The following SH2B2 variants were observed in gnomAD, a reference collection of about 807,000 sequenced individuals.
The protein encoded by SH2B2 is SH2B adapter protein 2.
A neutral mutation model predicts 35.7 loss-of-function variants in SH2B2; 37 were observed. The ratio of observed to expected loss-of-function variants is 1.04; its 90% CI spans 0.80 to 1.36. The LOEUF is 1.36. Ranked by LOEUF, SH2B2 falls within the 40% of genes most tolerant of loss-of-function variation. SH2B2 has a pLI of 0.00. For missense variants in SH2B2, 852 were observed against 817.7 expected, an observed-to-expected ratio of 1.04 and a Z score of -0.51; for synonymous variants, 383 against 376.4, an observed-to-expected ratio of 1.02 and a Z score of -0.20.
At chr7:102,320,570 G>T in intron 8 of SH2B2, 68 bp downstream of exon 8, 1 of 1,529,998 alleles carries the variant, frequency 6.5e-7, no homozygotes, top group Admixed American at 1.9e-5. Flanking sequence ...CAAGAAGGTG[G>T]TCCCTGGGGT....
rs3988122 is a variant in SH2B2, at chr7:102,297,394, TACACACACACAC to T, written c.-29-3103_-29-3092del. On this transcript the variant is annotated intron_variant, in intron 1 of 8. Transcript: ENST00000444095. The surrounding 1 kb of genome is among the most constrained non-coding windows in gnomAD (Gnocchi z 4.3). The stretch of plus-strand genomic sequence containing the variant: ...CATCAATAGAGTGAGATCCCATCTC[TACACACACACAC>T]ACACACACACACACACACACACACG... Among the ~76,000 whole-genome samples, 61 of 144,550 alleles carry T rather than the reference TACACACACACAC, an allele frequency of 4.2e-4. No individual in the cohort carries two copies. Among genetic ancestry groups the T allele is most frequent in the African/African-American group, 1.2e-3 (47 of 38,770 alleles). The allele number at this position is 144,550 out of a possible 152,430, so 94.8% of individuals were successfully genotyped here. A position where few individuals can be genotyped will look rare whatever the true frequency, so the allele number is the denominator to read the frequency against.
intron 1 of SH2B2, among the ~76,000 whole-genome samples, chr7:102,296,706 C>T (rs1327963600): frequency 6.6e-6 from 1 of 152,140 alleles, no homozygotes; most frequent in East Asian, 1.9e-4. Flanking sequence ...GATTCAAAAT[C>T]GGATTTGAAT....
upstream of SH2B2, chr7:102,285,202 A>T (rs1554550636): frequency 6.4e-7 from 1 of 1,551,014 alleles, no homozygotes; most frequent in Non-Finnish European, 8.7e-7. Flanking sequence ...CCATCTCAGG[A>T]CCCTCTCTGG....
upstream of SH2B2, chr7:102,285,246 T>C (rs1792394406): frequency 1.9e-6 from 3 of 1,550,814 alleles, no homozygotes; most frequent in African/African-American, 1.4e-5. Context: ...TTCAGCCCAC[T>C]ACTCTGAACC....
intron 2 of SH2B2, among the ~76,000 whole-genome samples, chr7:102,302,937 A>C (rs1258862985): frequency 6.6e-6 from 1 of 151,938 alleles, no homozygotes; most frequent in Non-Finnish European, 1.5e-5. Context: ...AACCAAAACA[A>C]AACAAAAAAC....
At chr7:102,302,059 T>C (rs899706432) in intron 2 of SH2B2, among the ~76,000 whole-genome samples, 3 of 152,242 alleles carry the variant, frequency 2.0e-5, no homozygotes, top group Non-Finnish European at 4.4e-5. Context: ...GGGATCTGAC[T>C]ATGTTGCTCA....
chr7:102,309,455 G>A (rs907117057), intron 4 of SH2B2: 1 of 289,990 alleles, frequency 3.4e-6, no homozygotes, highest in Non-Finnish European at 6.8e-6. Context: ...CCGCCTCCCA[G>A]GTTCAAGCAA....
At chr7:102,313,716 C>T (rs1793710762) in intron 4 of SH2B2, among the ~76,000 whole-genome samples, 1 of 152,058 alleles carries the variant, frequency 6.6e-6, no homozygotes, top group African/African-American at 2.4e-5. Context: ...TTGAGACCAG[C>T]CTGGCCAACA....
chr7:102,320,490 G>A lies in SH2B2; in HGVS notation c.1555G>A (p.Asp519Asn), dbSNP rs999193757. The change falls in exon 8 of 9, where the codon GAC becomes AAC. Residue 519 changes from aspartate (D) to asparagine (N), a missense_variant. Asp to Asn is a conservative substitution (Grantham distance 23). Transcript: ENST00000444095. ...ITLRSYVRAQ[D>N]PPPEPGPTPP... ...CCTTCGCAGCTATGTGCGGGCCCAG[G>A]ACCCCCCACCAGGTAAGATGCCGCC... 3 of 1,612,362 alleles carry A rather than the reference G, an allele frequency of 1.9e-6. No homozygotes were observed. The highest frequency in any genetic ancestry group is 3.3e-5 in the Admixed American group (2 of 59,926).
rs1554554926 is a variant in SH2B2 at position 102,306,735 on chromosome 7, G to T, written c.744G>T (p.Lys248Asn). ...FFVPPKASRP[K>N]VSIPLSAIIE... ...CTGGCCCCCAGGCCTCCAGGCCCAA[G>T]GTCAGCATCCCACTGTCAGCCATCA... The change falls in exon 3 of 9, where the codon AAG becomes AAT. Residue 248 changes from lysine to asparagine, a missense_variant. Lys to Asn is a moderately conservative substitution (Grantham distance 94, BLOSUM62 0). Around this residue, in one of 3 missense-constraint regions of SH2B2, gnomAD observed 556 missense variants for 514.5 expected, o/e 1.08. Transcript: ENST00000444095. 2 of 1,595,078 alleles carry T rather than the reference G, an allele frequency of 1.3e-6. No homozygotes were observed. Among genetic ancestry groups the T allele is most frequent in the East Asian group, 2.3e-5 (1 of 43,914 alleles).
intron 4 of SH2B2, among the ~76,000 whole-genome samples, chr7:102,313,728 A>G (rs893582046): frequency 1.3e-5 from 2 of 151,810 alleles, no homozygotes; most frequent in Non-Finnish European, 2.9e-5. Flanking sequence ...TGGCCAACAC[A>G]GTGAAACCTC....
At chr7:102,289,873 TG>T (rs1792607056) in intron 1 of SH2B2, among the ~76,000 whole-genome samples, 1 of 151,436 alleles carries the variant, frequency 6.6e-6, no homozygotes, top group Non-Finnish European at 1.5e-5. Context: ...CAGGGTGGGG[TG>T]GGAGTAACCA....
In SH2B2 at chr7:102,301,093, G is replaced by C; in HGVS notation, c.543G>C (p.Leu181=). The change falls in exon 2 of 9, where the codon CTG becomes CTC. Residue 181 remains leucine (L), a synonymous_variant. Transcript: ENST00000444095. Reference sequence around the variant, plus strand: ...ACAAGTGGACGCGGCGCCTGAGGCTGTCGCGGACGCTGGCTGCCAAGGTGG... The same window carrying C: ...ACAAGTGGACGCGGCGCCTGAGGCTCTCGCGGACGCTGGCTGCCAAGGTGG... ...PRDKWTRRLR[L]SRTLAAKVEL... is the part of the protein sequence containing the mutation. The C allele has an allele frequency of 7.0e-7, 1 of 1,434,214 alleles. No individual in the cohort carries two copies. Among genetic ancestry groups the C allele is most frequent in the Non-Finnish European group, 9.1e-7 (1 of 1,098,262 alleles). 88.8% of individuals were successfully genotyped at this position (1,434,214 alleles called of 1,614,324 possible).
At chr7:102,315,069 C>G (rs376773816) in intron 6 of SH2B2, among the ~76,000 whole-genome samples, 89,119 of 151,818 alleles carry the variant, frequency 0.59, 26,225 homozygotes, top group Admixed American at 0.65. Flanking sequence ...CACACATGTA[C>G]TCACAGCTAC....
chr7:102,304,474 G>C lies in SH2B2; in HGVS notation c.730-2247G>C, dbSNP rs1225933583. 2.0e-5 allele frequency among the ~76,000 whole-genome samples: 3 copies of C among 152,174 alleles called. No individual in the cohort carries two copies. In the South Asian group the frequency reaches 6.2e-4, roughly 32 times the overall value. Reference sequence around the variant, plus strand: ...TCAAGATGCTTGCAAATCTTACTGGGGTGAGCCCCGGAGGAAAAGCTTGGG... The same window carrying C: ...TCAAGATGCTTGCAAATCTTACTGGCGTGAGCCCCGGAGGAAAAGCTTGGG... On this transcript the variant is annotated intron_variant, in intron 2 of 8. Transcript: ENST00000444095.
At chr7:102,296,031 G>A (rs1489185556) in intron 1 of SH2B2, among the ~76,000 whole-genome samples, 3 of 152,142 alleles carry the variant, frequency 2.0e-5, no homozygotes, top group Middle Eastern at 3.4e-3. Flanking sequence ...CCAAACTCCC[G>A]ACTCCCCTCC....
rs1793747048 is a variant in SH2B2 at position 102,314,571 on chromosome 7, C to CA, written c.1076dup (p.His359GlnfsTer33). ...CGTGGGTGCAGTGGTGACAGCCCCC[C>CA]ACAGCCGAGGTCGAGATGCCGTCAG... On this transcript the variant is annotated frameshift_variant, in exon 6 of 9. Transcript: ENST00000444095. LOFTEE classifies it high-confidence loss of function. The CA allele has an allele frequency of 2.5e-6, 1 of 398,670 alleles. No homozygotes were observed. The highest frequency in any genetic ancestry group is 2.1e-5 in the African/African-American group (1 of 48,706). 24.7% of individuals were successfully genotyped at this position (398,670 alleles called of 1,614,324 possible). A position where few individuals can be genotyped will look rare whatever the true frequency, so the allele number is the denominator to read the frequency against.
chr7:102,304,381 C>T (rs1440304410), intron 2 of SH2B2, among the ~76,000 whole-genome samples: 10 of 152,336 alleles, frequency 6.6e-5, no homozygotes, highest in African/African-American at 2.4e-4. Context: ...AGGCCAAGCC[C>T]TGGGGACCCA....
At chr7:102,305,759 G>A (rs1209460464) in intron 2 of SH2B2, among the ~76,000 whole-genome samples, 2 of 152,096 alleles carry the variant, frequency 1.3e-5, no homozygotes, top group African/African-American at 4.8e-5. Context: ...CACAGATCTC[G>A]TGGGTGCATT....
Sources: allele counts gnomAD v4.1 joint callset (sites outside exome capture counted in the v4.1 genomes callset), GRCh38; gene constraint gnomAD v4.1.1; regional missense constraint gnomAD v4.1.1; non-coding constraint Gnocchi (gnomAD v3.1); transcripts MANE v1.5; gene names NCBI Gene and HGNC (gene_info 2026-07-23, HGNC 2026-07-21).